The following ADAMTSL1 variants were observed in gnomAD, a reference collection of about 807,000 sequenced individuals.
ADAMTSL1 encodes ADAMTS-like protein 1.
Under a neutral mutation model 201.8 loss-of-function variants are expected in ADAMTSL1, and 126 were observed. That is an observed-to-expected ratio of 0.62 (90% CI 0.54 to 0.72). The LOEUF (loss-of-function observed/expected upper bound fraction) is 0.72. ADAMTSL1 is among the 30% of genes least tolerant of loss of function. The probability of loss-of-function intolerance (pLI) is 0.00; values close to 1 mark genes in which losing one functional copy is unlikely to be tolerated. For synonymous variants in ADAMTSL1, 1,121 were observed against 903.4 expected (o/e 1.24, Z -4.32); for missense variants, 2,679 against 2,277.8 (o/e 1.18, Z -3.59).
intron 1 of ADAMTSL1, among the ~76,000 whole-genome samples, chr9:17,924,194 G>A (rs1826425312): frequency 6.6e-6 from 1 of 151,752 alleles, no homozygotes; most frequent in Non-Finnish European, 1.5e-5. Flanking sequence ...AGTTTCAGAA[G>A]GAATGGTACC....
At chr9:18,239,177 A>G (rs1830964030) in intron 2 of ADAMTSL1, among the ~76,000 whole-genome samples, 1 of 152,074 alleles carries the variant, frequency 6.6e-6, no homozygotes, top group Admixed American at 6.5e-5. Context: ...CAGGGTGGTG[A>G]AGGGTAGGGT....
At chr9:18,370,227 C>G (rs1421460974) in intron 2 of ADAMTSL1, among the ~76,000 whole-genome samples, 1 of 151,640 alleles carries the variant, frequency 6.6e-6, no homozygotes, top group Non-Finnish European at 1.5e-5. Context: ...TTGCAGTGAG[C>G]TGAGATCACA....
At chr9:18,895,145 A>G (rs985525520) in intron 26 of ADAMTSL1, among the ~76,000 whole-genome samples, 3 of 152,224 alleles carry the variant, frequency 2.0e-5, no homozygotes, top group Non-Finnish European at 2.9e-5. Flanking sequence ...AGGTTTAGTT[A>G]CAAATGAGAG....
chr9:18,829,845 C>T lies in ADAMTSL1; in HGVS notation c.4117C>T (p.Pro1373Ser). The T allele has an allele frequency of 5.6e-6, 9 of 1,613,700 alleles. No homozygotes were observed. The highest frequency in any genetic ancestry group is 7.6e-6 in the Non-Finnish European group (9 of 1,179,752). The change falls in exon 23 of 29, where the codon CCC becomes TCC. Residue 1373 changes from proline (P) to serine (S), a missense_variant and splice_region_variant. Physicochemically the swap from Pro to Ser is moderately conservative, Grantham distance 74. Coordinates refer to ENST00000380548, the MANE Select transcript of ADAMTSL1 (RefSeq NM_001040272.6). ...ATCCACCCTCTGCCTTCTCACAGATCCCCCCCAAGTCCCCACACAGTTGGA... is the reference window on the plus strand; with the variant it reads ...ATCCACCCTCTGCCTTCTCACAGATTCCCCCCAAGTCCCCACACAGTTGGA... ...TESTQLLILDPPQVPTQLEDI... is the reference protein window; with the variant it reads ...TESTQLLILDSPQVPTQLEDI...
intron 28 of ADAMTSL1, 92 bp downstream of exon 28, chr9:18,907,004 A>G: frequency 7.0e-7 from 1 of 1,432,544 alleles, no homozygotes; most frequent in Non-Finnish European, 9.6e-7. Flanking sequence ...AGCATAGGGC[A>G]TGGGGTCAGC....
chr9:18,547,636 A>T (rs1007942791), intron 3 of ADAMTSL1, among the ~76,000 whole-genome samples: 49 of 149,022 alleles, frequency 3.3e-4, no homozygotes, highest in Middle Eastern at 3.4e-3. Flanking sequence ...ATATATATAA[A>T]AAAAAAAAAA....
chr9:18,188,463 A>G lies in ADAMTSL1; in HGVS notation c.207+24482A>G, dbSNP rs142508901. On this transcript the variant is annotated intron_variant, in intron 2 of 29. Transcript: ENST00000680146. ...CTTTGATGAGACGCTATCTGGGAAC[A>G]TAATTGTCTTCAAATAGGTATACTC... 6.0e-4 allele frequency among the ~76,000 whole-genome samples: 91 copies of G among 152,292 alleles called. No homozygotes were observed. In the East Asian group the frequency reaches 0.017, roughly 28 times the overall value.
chr9:18,699,543 T>C (rs923732652), intron 13 of ADAMTSL1, among the ~76,000 whole-genome samples: 1 of 152,102 alleles, frequency 6.6e-6, no homozygotes, highest in Admixed American at 6.6e-5. Flanking sequence ...TTGCCCAGGC[T>C]GGTCTCAAAC....
At chr9:18,289,044 G>A (rs1427329832) in intron 2 of ADAMTSL1, among the ~76,000 whole-genome samples, 2 of 152,140 alleles carry the variant, frequency 1.3e-5, no homozygotes, top group Non-Finnish European at 2.9e-5. Context: ...GTTAGAGGTA[G>A]TAGAATTATA....
intron 26 of ADAMTSL1, among the ~76,000 whole-genome samples, chr9:18,901,673 T>C (rs972056793): frequency 2.6e-5 from 4 of 151,908 alleles, no homozygotes; most frequent in South Asian, 4.1e-4. Context: ...CAAAGAAGAA[T>C]GAGAAAGGAA....
intron 14 of ADAMTSL1, among the ~76,000 whole-genome samples, chr9:18,716,680 C>T (rs1407850793): frequency 2.6e-4 from 38 of 147,698 alleles, no homozygotes; most frequent in Non-Finnish European, 5.2e-4. Context: ...GTCAGTGTGG[C>T]GATTCCTCAG....
intron 7 of ADAMTSL1, among the ~76,000 whole-genome samples, chr9:18,644,621 A>C (rs2132846760): frequency 6.7e-6 from 1 of 150,116 alleles, no homozygotes; most frequent in African/African-American, 2.5e-5. Flanking sequence ...CCCATCTATG[A>C]GTGAGAACAT....
intron 4 of ADAMTSL1, among the ~76,000 whole-genome samples, chr9:18,609,067 C>T (rs1220263046): frequency 6.6e-6 from 1 of 152,124 alleles, no homozygotes; most frequent in Non-Finnish European, 1.5e-5. Context: ...AAACTTGTCC[C>T]AGTCCCTGAA....
At chr9:18,834,613 A>G (rs1825198124) in intron 23 of ADAMTSL1, among the ~76,000 whole-genome samples, 1 of 152,064 alleles carries the variant, frequency 6.6e-6, no homozygotes, top group Admixed American at 6.6e-5. Context: ...TCCCTTTGTA[A>G]TTGTTCCCTC....
At chr9:18,058,619 A>G (rs531508042) in intron 1 of ADAMTSL1, among the ~76,000 whole-genome samples, 122 of 152,270 alleles carry the variant, frequency 8.0e-4, no homozygotes, top group Middle Eastern at 6.8e-3. Flanking sequence ...TTTCTCACAT[A>G]AGAAAAACTG....
intron 2 of ADAMTSL1, among the ~76,000 whole-genome samples, chr9:18,274,374 A>G (rs1169261804): frequency 1.3e-5 from 2 of 152,188 alleles, no homozygotes; most frequent in Non-Finnish European, 2.9e-5. Context: ...AAAATCACAC[A>G]TGTGCAAACT....
chr9:18,795,925 A>C (rs1822392812), intron 20 of ADAMTSL1, among the ~76,000 whole-genome samples: 1 of 152,210 alleles, frequency 6.6e-6, no homozygotes, highest in African/African-American at 2.4e-5. Flanking sequence ...GTTGCAAGAA[A>C]GACTACGACC....
chr9:18,491,932 T>G (rs1382030483), intron 1 of ADAMTSL1, among the ~76,000 whole-genome samples: 1 of 152,156 alleles, frequency 6.6e-6, no homozygotes, highest in Non-Finnish European at 1.5e-5. Flanking sequence ...TACTACAATC[T>G]ACTCTGGACA....
intron 23 of ADAMTSL1, among the ~76,000 whole-genome samples, chr9:18,865,044 C>CT (rs929825407): frequency 1.3e-5 from 2 of 152,086 alleles, no homozygotes; most frequent in East Asian, 3.9e-4. Context: ...TTTCCAGTCT[C>CT]TTTTTTTAAT....
Sources: gnomAD v4.1 joint callset for allele counts (sites outside exome capture counted in the v4.1 genomes callset) on GRCh38, gnomAD v4.1.1 for gene constraint, MANE v1.5 for transcripts, NCBI Gene and HGNC (gene_info 2026-07-23, HGNC 2026-07-21) for gene names.